RABGAP1: variants seen among roughly 807,000 people sequenced by gnomAD.
The protein encoded by RABGAP1 is rab GTPase-activating protein 1.
RABGAP1 carries 23 observed loss-of-function variants against 137.6 expected under a neutral mutation model. The observed-to-expected ratio is 0.17, with a 90% CI of 0.12 to 0.24. The LOEUF is 0.24. Ranked by LOEUF, RABGAP1 falls within the 10% of genes least tolerant of loss-of-function variation. The pLI is 1.00. For synonymous variants in RABGAP1, 451 were observed against 450.7 expected, an observed-to-expected ratio of 1.00 and a Z score of -0.01; for missense variants, 906 against 1,275.8, an observed-to-expected ratio of 0.71 and a Z score of 4.42.
At chr9:122,937,282 C>T (rs1194563646), upstream of RABGAP1, among the ~76,000 whole-genome samples, 1 of 152,208 alleles carries the variant, frequency 6.6e-6, no homozygotes, top group Non-Finnish European at 1.5e-5. Flanking sequence ...GGCTTTAAAA[C>T]AACTATTTTG....
chr9:123,090,144 C>A, intron 20 of RABGAP1, 131 bp from the exon 21 acceptor site: 2 of 687,500 alleles, frequency 2.9e-6, no homozygotes, highest in Non-Finnish European at 4.8e-6. Context: ...GATTTGGAAA[C>A]ACATCAGGTC....
At position 122,989,281 on chromosome 9, in the gene RABGAP1, C is replaced by G; in HGVS notation, c.591-16C>G. On this transcript the variant is annotated splice_polypyrimidine_tract_variant and intron_variant, in intron 4 of 25. Coordinates refer to ENST00000373647, the MANE Select transcript of RABGAP1 (RefSeq NM_012197.4). ...CATAATTCCTGTAATCTCTCTGTAT[C>G]TTTTTCTCTGAACAGACTCTTAGAT... The G allele has an allele frequency of 6.2e-7, 1 of 1,603,004 alleles. No individual in the cohort carries two copies. The highest frequency in any genetic ancestry group is 1.1e-5 in the South Asian group (1 of 90,862).
In RABGAP1 at chr9:123,090,349, G is replaced by GCCC; in HGVS notation, c.2592_2593insCCC (p.Val864_Thr865insPro). The stretch of plus-strand genomic sequence containing the variant: ...ACGATGACTTAGCCCATGAGCTGGT[G>GCCC]ACCAGCAAGATTGCACTACGGAAGG... On this transcript the variant is annotated inframe_insertion, in exon 21 of 26. Coordinates refer to ENST00000373647, the MANE Select transcript of RABGAP1 (RefSeq NM_012197.4). The GCCC allele has an allele frequency of 6.2e-7, 1 of 1,613,278 alleles. No homozygotes were observed.
intron 2 of RABGAP1, among the ~76,000 whole-genome samples, chr9:122,973,419 G>C (rs1341425098): frequency 6.6e-6 from 1 of 151,940 alleles, no homozygotes; most frequent in Non-Finnish European, 1.5e-5. Flanking sequence ...TGTATTTTTA[G>C]TAGAGATGGG....
At chr9:122,977,312 A>G (rs541308346) in intron 2 of RABGAP1, among the ~76,000 whole-genome samples, 80 of 152,232 alleles carry the variant, frequency 5.3e-4, no homozygotes, top group African/African-American at 6.0e-4. Flanking sequence ...ACAAGGGTCA[A>G]TAGGATTTGT....
intron 13 of RABGAP1, among the ~76,000 whole-genome samples, chr9:123,027,828 C>G (rs1247606983): frequency 1.3e-5 from 2 of 152,198 alleles, no homozygotes; most frequent in Non-Finnish European, 2.9e-5. Flanking sequence ...TTTTTCACAA[C>G]TGAGCACTCT....
chr9:122,933,930 T>C, the RABGAP1 span, among the ~76,000 whole-genome samples: 1 of 9,390 alleles, frequency 1.1e-4, no homozygotes, highest in African/African-American at 1.5e-4. Flanking sequence ...CCTTGAATTA[T>C]TGAAAAAAAA....
intron 15 of RABGAP1, among the ~76,000 whole-genome samples, chr9:123,073,039 G>A (rs1391772987): frequency 6.6e-6 from 1 of 152,122 alleles, no homozygotes; most frequent in African/African-American, 2.4e-5. Flanking sequence ...GAATATGTAA[G>A]GTTCTTCTAA....
intron 10 of RABGAP1, among the ~76,000 whole-genome samples, chr9:123,003,157 G>T (rs1156904416): frequency 2.0e-5 from 3 of 152,084 alleles, no homozygotes; most frequent in Non-Finnish European, 4.4e-5. Flanking sequence ...TACATTCATG[G>T]CATTAAAAAG....
At chr9:123,101,518 G>A (rs1184351722) in intron 24 of RABGAP1, 48 bp from the exon 25 acceptor site, 5 of 1,552,694 alleles carry the variant, frequency 3.2e-6, no homozygotes, top group Non-Finnish European at 4.4e-6. Flanking sequence ...CCATCCTAAA[G>A]GGCCAGTTCC....
At chr9:123,102,876 G>A (rs1276586801) in intron 25 of RABGAP1, among the ~76,000 whole-genome samples, 1 of 152,238 alleles carries the variant, frequency 6.6e-6, no homozygotes, top group African/African-American at 2.4e-5. Context: ...GTAGAAGACT[G>A]TTTTAATAAA....
chr9:122,964,144 A>G (rs764054853), intron 2 of RABGAP1, among the ~76,000 whole-genome samples: 2 of 152,198 alleles, frequency 1.3e-5, no homozygotes, highest in Non-Finnish European at 2.9e-5. Context: ...ATACTTAAAT[A>G]AGAATTAATA....
At chr9:123,007,987 A>G (rs1232407639) in intron 10 of RABGAP1, among the ~76,000 whole-genome samples, 1 of 150,316 alleles carries the variant, frequency 6.7e-6, no homozygotes, top group East Asian at 1.9e-4. Flanking sequence ...ATAATTTAAT[A>G]TATAAAAGTT....
At chr9:122,966,205 C>T (rs1835134846) in intron 2 of RABGAP1, among the ~76,000 whole-genome samples, 1 of 152,068 alleles carries the variant, frequency 6.6e-6, no homozygotes, top group South Asian at 2.1e-4. Context: ...TAGCTGCCAT[C>T]AATAGTATTT....
chr9:122,981,696 C>G (rs1032409097), intron 2 of RABGAP1, among the ~76,000 whole-genome samples: 2 of 152,058 alleles, frequency 1.3e-5, no homozygotes, highest in Non-Finnish European at 2.9e-5. Context: ...TGAATGTTTC[C>G]CAGCTTGGTT....
Position 123,103,349 on chromosome 9 carries a change from T to C in RABGAP1, c.*136T>C. On this transcript the variant is annotated 3_prime_UTR_variant, in exon 26 of 26. Coordinates refer to ENST00000373647, the MANE Select transcript of RABGAP1 (RefSeq NM_012197.4). The stretch of plus-strand genomic sequence containing the variant: ...AGATCCATAGACGCATGTTGGTAGG[T>C]CACTGGACCAGAGCTTGTGAAGCAG... 1 of 1,364,852 alleles carries C rather than the reference T, an allele frequency of 7.3e-7. No homozygotes were observed. Among genetic ancestry groups the C allele is most frequent in the Non-Finnish European group, 9.9e-7 (1 of 1,008,472 alleles). The allele number at this position is 1,364,852 out of a possible 1,614,324, so 84.5% of individuals were successfully genotyped here. A position where few individuals can be genotyped will look rare whatever the true frequency, so the allele number is the denominator to read the frequency against.
intron 1 of RABGAP1, among the ~76,000 whole-genome samples, chr9:122,941,914 C>G (rs998342443): frequency 6.6e-6 from 1 of 152,204 alleles, no homozygotes; most frequent in Non-Finnish European, 1.5e-5. Flanking sequence ...AACAAATGTC[C>G]TAGGAGACCG....
At chr9:123,090,494 T>G in intron 21 of RABGAP1, 109 bp downstream of exon 21, 1 of 844,056 alleles carries the variant, frequency 1.2e-6, no homozygotes. Flanking sequence ...CTGTAAAGTT[T>G]CCCGCTTGTG....
intron 21 of RABGAP1, among the ~76,000 whole-genome samples, chr9:123,096,213 T>C (rs2035178582): frequency 6.7e-6 from 1 of 149,036 alleles, no homozygotes; most frequent in African/African-American, 2.4e-5. Flanking sequence ...TAGGGATTTG[T>C]TTCATGTAAT....
Sources: allele counts gnomAD v4.1 joint callset (sites outside exome capture counted in the v4.1 genomes callset), GRCh38; gene constraint gnomAD v4.1.1; transcripts MANE v1.5; gene names NCBI Gene and HGNC (gene_info 2026-07-23, HGNC 2026-07-21).